Variants in TRIM16 observed in about 807,000 individuals in gnomAD.
TRIM16 encodes tripartite motif containing 16, also known as tripartite motif-containing protein 16.
Under a neutral mutation model 50.4 loss-of-function variants are expected in TRIM16, and 33 were observed. That is an observed-to-expected ratio of 0.65 (90% CI 0.50 to 0.88). The LOEUF is 0.88. Among genes scored for constraint, TRIM16 ranks in the 40% least tolerant of loss-of-function variants. The pLI, the probability that TRIM16 is intolerant of heterozygous loss-of-function variation, is 0.00. For synonymous variants in TRIM16, 229 were observed against 270.7 expected, an observed-to-expected ratio of 0.85 and a Z score of 1.51; for missense variants, 581 against 686.8, an observed-to-expected ratio of 0.85 and a Z score of 1.72.
chr17:15,658,087 A>G (rs1988057145), intron 6 of TRIM16, among the ~76,000 whole-genome samples: 1 of 152,216 alleles, frequency 6.6e-6, no homozygotes, highest in Non-Finnish European at 1.5e-5. Context: ...CTCAAATGCT[A>G]CCAAGATATG....
Position 15,677,222 on chromosome 17 carries a change from T to G in TRIM16, c.-384A>C. Reference sequence around the variant, plus strand: ...CCTCTCCCTCCTGCATTTGTGTTCGTGGGCTTACCACTTCTTCCAACTAGG... The same window carrying G: ...CCTCTCCCTCCTGCATTTGTGTTCGGGGGCTTACCACTTCTTCCAACTAGG... On this transcript the variant is annotated 5_prime_UTR_variant, in exon 6 of 12. Coordinates refer to ENST00000649191, the MANE Select transcript of TRIM16 (RefSeq NM_001348119.1). 1.0e-6 allele frequency: 1 copy of G among 985,452 alleles called. No individual in the cohort carries two copies. The highest frequency in any genetic ancestry group is 1.2e-6 in the Non-Finnish European group (1 of 829,930). The allele number at this position is 985,452 out of a possible 1,614,324, so 61.0% of individuals were successfully genotyped here. A position where few individuals can be genotyped will look rare whatever the true frequency, so the allele number is the denominator to read the frequency against.
At chr17:15,658,935 A>T (rs909944690) in intron 6 of TRIM16, 8 of 932,858 alleles carry the variant, frequency 8.6e-6, no homozygotes, top group Non-Finnish European at 8.9e-6. Context: ...CTAACAAAGG[A>T]ACGAAATAAA....
intron 10 of TRIM16, among the ~76,000 whole-genome samples, chr17:15,632,299 C>A (rs1368663580): frequency 6.6e-6 from 1 of 152,138 alleles, no homozygotes; most frequent in Non-Finnish European, 1.5e-5. Flanking sequence ...ATCTCTTGAA[C>A]CCGGGAGGCA....
At position 15,675,818 on chromosome 17, in the gene TRIM16, CAT is replaced by C. The variant is rs924198923; in HGVS notation, c.-338+1356_-338+1357del. Among the ~76,000 whole-genome samples, 588 of 147,268 alleles carry C rather than the reference CAT, an allele frequency of 4.0e-3. 1 individual carries two copies. The highest frequency in any genetic ancestry group is 7.3e-3 in the Non-Finnish European group (492 of 67,036). On this transcript the variant is annotated intron_variant, in intron 6 of 11. Transcript: ENST00000649191. Reference sequence around the variant, plus strand: ...ACATGTGTATATACATATATATTTGCATATATAATATAAAAATATATATATTA... The same window carrying C: ...ACATGTGTATATACATATATATTTGCATATAATATAAAAATATATATATTA...
intron 6 of TRIM16, among the ~76,000 whole-genome samples, chr17:15,665,250 T>C (rs55694678): frequency 0.1 from 15,506 of 151,558 alleles, 868 homozygotes; most frequent in South Asian, 0.14. Context: ...CAGTGGCTCA[T>C]GCCTGTAATC....
intron 6 of TRIM16, 85 bp downstream of exon 6, chr17:15,677,091 T>TCA (rs1988983305): frequency 1.2e-6 from 1 of 810,760 alleles, no homozygotes. Context: ...GCAGGGGGAT[T>TCA]CAACATTTTC....
At chr17:15,681,712 G>A (rs1314780582) in intron 3 of TRIM16, among the ~76,000 whole-genome samples, 1 of 152,156 alleles carries the variant, frequency 6.6e-6, no homozygotes, top group Non-Finnish European at 1.5e-5. Flanking sequence ...ATTTCTTTGC[G>A]CTTATCTCTA....
rs150820408 is a variant in TRIM16 at position 15,635,321 on chromosome 17, C to G, written c.849+715G>C. On this transcript the variant is annotated intron_variant, in intron 9 of 11. Transcript: ENST00000649191. ...AGATTCAGGATGTTGCAGTTTACCC[C>G]CAACCTAGTGTTCCTTCCTCGAAAG... Among the ~76,000 whole-genome samples the G allele has an allele frequency of 5.6e-3, 834 of 148,892 alleles. 53 individuals carry two copies. Among genetic ancestry groups the G allele is most frequent in the Middle Eastern group, 0.053 (15 of 284 alleles).
intron 6 of TRIM16, among the ~76,000 whole-genome samples, chr17:15,653,682 T>A (rs1200614162): frequency 3.3e-5 from 5 of 152,146 alleles, no homozygotes; most frequent in African/African-American, 7.2e-5. Context: ...CCAAATACAG[T>A]CACATCTGAG....
At chr17:15,656,084 G>A (rs1987967755) in intron 6 of TRIM16, among the ~76,000 whole-genome samples, 2 of 152,020 alleles carry the variant, frequency 1.3e-5, no homozygotes, top group Admixed American at 1.3e-4. Context: ...CCCTCTGGAG[G>A]CTCATCTTCA....
chr17:15,665,031 C>CAA (rs10559243), intron 6 of TRIM16, among the ~76,000 whole-genome samples: 57 of 75,532 alleles, frequency 7.5e-4, no homozygotes, highest in Non-Finnish European at 9.4e-4. Context: ...GACTCCGTCT[C>CAA]AAAAAAAAAA....
chr17:15,633,419 C>T (rs971180591), intron 9 of TRIM16, among the ~76,000 whole-genome samples: 3 of 150,890 alleles, frequency 2.0e-5, no homozygotes, highest in African/African-American at 7.3e-5. Context: ...ACAAAAGTAG[C>T]ATTTTAAATC....
rs373394688 is a variant in TRIM16, at chr17:15,651,078, C to T, written c.519+13G>A. On this transcript the variant is annotated intron_variant, in intron 7 of 11. Transcript: ENST00000649191. ...CCCTCTCCCAAATGGATGAATGGTC[C>T]CCAAGCACTCACCTCCTTGTCCCTG... 242 of 1,593,548 alleles carry T rather than the reference C, an allele frequency of 1.5e-4. No individual in the cohort carries two copies. The highest frequency in any genetic ancestry group is 1.2e-3 in the Middle Eastern group (6 of 4,948).
At chr17:15,669,333 C>T (rs1040694539) in intron 6 of TRIM16, among the ~76,000 whole-genome samples, 31 of 151,530 alleles carry the variant, frequency 2.0e-4, no homozygotes, top group Non-Finnish European at 3.2e-4. Flanking sequence ...TATAGGACAT[C>T]CATACGTCAG....
chr17:15,677,755 G>A (rs773252959), intron 4 of TRIM16, 34 bp from the exon 5 acceptor site: 180 of 986,356 alleles, frequency 1.8e-4, no homozygotes, highest in Non-Finnish European at 2.1e-4. Flanking sequence ...ATACTTAGGG[G>A]AGACTGATGG....
intron 6 of TRIM16, among the ~76,000 whole-genome samples, chr17:15,663,629 C>A (rs1021448369): frequency 6.6e-6 from 1 of 152,142 alleles, no homozygotes; most frequent in Non-Finnish European, 1.5e-5. Flanking sequence ...TGTAAGATAA[C>A]GTGTCCTTAT....
chr17:15,630,268 T>C (rs1260237845), intron 11 of TRIM16, among the ~76,000 whole-genome samples: 1 of 152,164 alleles, frequency 6.6e-6, no homozygotes, highest in South Asian at 2.1e-4. Flanking sequence ...AGGCTACAAC[T>C]GAGAGTTCAT....
chr17:15,654,642 G>A (rs534412403), intron 6 of TRIM16, among the ~76,000 whole-genome samples: 21 of 152,284 alleles, frequency 1.4e-4, no homozygotes, highest in African/African-American at 5.1e-4. Flanking sequence ...AAGGTCACTA[G>A]GCAGATAAAC....
rs372170202 is a variant in TRIM16, at chr17:15,636,029, C to T, written c.849+7G>A. On this transcript the variant is annotated splice_region_variant and intron_variant, in intron 9 of 11. Coordinates refer to ENST00000649191, the MANE Select transcript of TRIM16 (RefSeq NM_001348119.1). ...GTGGGATGCCTCTGCCCCCGCAACCCCCATACCTCCAAGAACTGGACAGTG... is the reference window on the plus strand; with the variant it reads ...GTGGGATGCCTCTGCCCCCGCAACCTCCATACCTCCAAGAACTGGACAGTG... 1 of 1,611,750 alleles carries T rather than the reference C, an allele frequency of 6.2e-7. No homozygotes were observed. The highest frequency in any genetic ancestry group is 1.7e-5 in the Admixed American group (1 of 59,976).
Sources: gnomAD v4.1 joint callset for allele counts (sites outside exome capture counted in the v4.1 genomes callset) on GRCh38, gnomAD v4.1.1 for gene constraint, MANE v1.5 for transcripts, NCBI Gene and HGNC (gene_info 2026-07-23, HGNC 2026-07-21) for gene names.